The following RPAP2 variants were observed in gnomAD, a reference collection of about 807,000 sequenced individuals.
The protein encoded by RPAP2 is putative RNA polymerase II subunit B1 CTD phosphatase RPAP2.
In RPAP2, 52 loss-of-function variants were observed where a neutral mutation model predicts 73.1. The observed-to-expected ratio is 0.71, with a 90% CI of 0.57 to 0.90. The LOEUF (loss-of-function observed/expected upper bound fraction) is 0.90. RPAP2 is among the 40% of genes least tolerant of loss of function. RPAP2 has a pLI of 0.00. For missense variants in RPAP2, 598 were observed against 701.8 expected (o/e 0.85, Z 1.67); for synonymous variants, 225 against 242.1 (o/e 0.93, Z 0.65).
intron 1 of RPAP2, 31 bp from the exon 2 acceptor site, chr1:92,300,160 CATT>C: frequency 3.3e-6 from 5 of 1,502,264 alleles, no homozygotes; most frequent in South Asian, 1.1e-5. Context: ...ACGGAAATGT[CATT>C]ATGTAGCACA....
intron 6 of RPAP2, among the ~76,000 whole-genome samples, chr1:92,315,724 T>C (rs1174933087): frequency 1.3e-5 from 2 of 152,220 alleles, no homozygotes; most frequent in Non-Finnish European, 2.9e-5. Context: ...TCCATACTTT[T>C]ATAAGGTTTT....
intron 11 of RPAP2, among the ~76,000 whole-genome samples, chr1:92,357,033 T>A (rs190218664): frequency 4.7e-5 from 7 of 149,242 alleles, no homozygotes; most frequent in African/African-American, 1.5e-4. Context: ...GTCACTGCAC[T>A]CCAGCCTGGG....
At chr1:92,315,456 G>A (rs1651851696) in intron 6 of RPAP2, among the ~76,000 whole-genome samples, 1 of 152,158 alleles carries the variant, frequency 6.6e-6, no homozygotes. Context: ...GAAAAATGGT[G>A]CTGACAGACT....
rs544365564 is a variant in RPAP2 at position 92,324,095 on chromosome 1, C to G, written c.1175C>G (p.Ala392Gly). The G allele has an allele frequency of 6.2e-6, 10 of 1,614,104 alleles. No individual in the cohort carries two copies. In the Admixed American group the frequency reaches 1.7e-4, roughly 27 times the overall value. The change falls in exon 8 of 13, where the codon GCT becomes GGT. Residue 392 changes from alanine (A) to glycine (G), a missense_variant. Physicochemically the swap from Ala to Gly is moderately conservative, Grantham distance 60 (BLOSUM62 0). This residue lies in a region of RPAP2 where 506 missense variants were observed against 612.8 expected (regional missense o/e 0.83). Coordinates refer to ENST00000610020, the MANE Select transcript of RPAP2 (RefSeq NM_024813.3). ...AGGTTTTTGTATGGCCAGAATTATG[C>G]TTCTGTGTGTCTGAAACCCGAAGCC... is the stretch of plus-strand genomic sequence containing the variant. ...TLRFLYGQNYASVCLKPEASL... is the reference protein window; with the variant it reads ...TLRFLYGQNYGSVCLKPEASL...
chr1:92,374,258 A>T (rs1169038132), intron 11 of RPAP2, among the ~76,000 whole-genome samples: 1 of 152,202 alleles, frequency 6.6e-6, no homozygotes, highest in African/African-American at 2.4e-5. Flanking sequence ...GATCAGAAAC[A>T]TCCAATACTG....
intron 8 of RPAP2, 40 bp downstream of exon 8, chr1:92,324,415 A>G (rs749964669): frequency 8.1e-6 from 12 of 1,476,028 alleles, no homozygotes; most frequent in Non-Finnish European, 1.1e-5. Flanking sequence ...GATCGTTAAC[A>G]TTTGGAAAAC....
intron 11 of RPAP2, among the ~76,000 whole-genome samples, chr1:92,376,650 A>G (rs1409422466): frequency 6.6e-6 from 1 of 152,188 alleles, no homozygotes; most frequent in Non-Finnish European, 1.5e-5. Flanking sequence ...ACTACTTGCC[A>G]TTTTTACATC....
At chr1:92,302,330 G>GAA (rs777891331) in intron 3 of RPAP2, among the ~76,000 whole-genome samples, 7 of 132,162 alleles carry the variant, frequency 5.3e-5, no homozygotes, top group Non-Finnish European at 1.2e-4. Flanking sequence ...GGATGGGGGA[G>GAA]AAAAAAAAAA....
At chr1:92,300,429 A>G (rs1354918328) in intron 2 of RPAP2, among the ~76,000 whole-genome samples, 190 bp downstream of exon 2, 1 of 152,174 alleles carries the variant, frequency 6.6e-6, no homozygotes, top group African/African-American at 2.4e-5. Flanking sequence ...GCTTTAAGAA[A>G]ACCAAACTAA....
Position 92,398,509 on chromosome 1 carries a change from C to T in RPAP2, c.*11498C>T, listed in dbSNP as rs1487148683. On this transcript the variant is annotated 3_prime_UTR_variant, in exon 13 of 13. Transcript: ENST00000610020. ...AAGGTAAGTGGTACTATTCTGAAAT[C>T]TGAAAATCTTTAGTAGCCTCACATT... 2.0e-5 allele frequency: 3 copies of T among 152,174 alleles called. No homozygotes were observed. The highest frequency in any genetic ancestry group is 4.4e-5 in the Non-Finnish European group (3 of 68,028). 9.4% of individuals were successfully genotyped at this position (152,174 alleles called of 1,614,324 possible). A position where few individuals can be genotyped will look rare whatever the true frequency, so the allele number is the denominator to read the frequency against.
At chr1:92,317,121 T>A (rs1364302852) in intron 6 of RPAP2, among the ~76,000 whole-genome samples, 2 of 152,202 alleles carry the variant, frequency 1.3e-5, no homozygotes, top group Non-Finnish European at 2.9e-5. Flanking sequence ...AGAAAGGGCT[T>A]GGCCTAATTC....
chr1:92,325,083 T>C (rs879123137), intron 8 of RPAP2, among the ~76,000 whole-genome samples: 2 of 152,182 alleles, frequency 1.3e-5, no homozygotes, highest in Admixed American at 1.3e-4. Context: ...CAGTAAATAG[T>C]ACCCATATGT....
At chr1:92,335,881 C>A (rs367867889) in intron 9 of RPAP2, among the ~76,000 whole-genome samples, 1 of 152,010 alleles carries the variant, frequency 6.6e-6, no homozygotes, top group East Asian at 1.9e-4. Flanking sequence ...AAATTTTTTT[C>A]ATAGTAAAAC....
chr1:92,346,809 G>A (rs915135504), intron 11 of RPAP2, among the ~76,000 whole-genome samples: 1 of 152,138 alleles, frequency 6.6e-6, no homozygotes, highest in African/African-American at 2.4e-5. Flanking sequence ...TTCAATAAGT[G>A]TAGTGTTTTT....
chr1:92,317,333 C>G (rs1279273765), intron 6 of RPAP2, among the ~76,000 whole-genome samples: 1 of 151,972 alleles, frequency 6.6e-6, no homozygotes, highest in Non-Finnish European at 1.5e-5. Context: ...ATGGTGAAAC[C>G]CCATCTCTAC....
chr1:92,354,890 A>ATT lies in RPAP2; in HGVS notation c.1688+8976_1688+8977insTT, dbSNP rs1557620882. ...AATAAATGCAATTTTAATTTATGTA[A>ATT]ATTATTATTATTATTATTATTATTA... On this transcript the variant is annotated intron_variant, in intron 11 of 12. Transcript: ENST00000610020. 2.7e-3 allele frequency among the ~76,000 whole-genome samples: 396 copies of ATT among 147,682 alleles called. 3 individuals carry two copies. Among genetic ancestry groups the ATT allele is most frequent in the African/African-American group, 8.8e-3 (353 of 40,294 alleles).
In RPAP2 at chr1:92,373,733, TAAAAATAA is replaced by T. The variant is rs1455042208; in HGVS notation, c.1689-6985_1689-6978del. 3.4e-4 allele frequency among the ~76,000 whole-genome samples: 14 copies of T among 40,904 alleles called. 1 individual carries two copies. Among genetic ancestry groups the T allele is most frequent in the African/African-American group, 1.2e-3 (12 of 10,382 alleles). The allele number at this position is 40,904 out of a possible 152,430, so 26.8% of individuals were successfully genotyped here. A position where few individuals can be genotyped will look rare whatever the true frequency, so the allele number is the denominator to read the frequency against. Reference sequence around the variant, plus strand: ...CAACATGGTGAAACCCCGTCTCTACTAAAAATAAAAAAAAAAAAAAAAAAAAAAAAAAA... The same window carrying T: ...CAACATGGTGAAACCCCGTCTCTACTAAAAAAAAAAAAAAAAAAAAAAAAA... On this transcript the variant is annotated intron_variant, in intron 11 of 12. Coordinates refer to ENST00000610020, the MANE Select transcript of RPAP2 (RefSeq NM_024813.3).
Position 92,348,923 on chromosome 1 carries a change from C to T in RPAP2, c.1688+3009C>T, listed in dbSNP as rs573875042. Among the ~76,000 whole-genome samples the T allele has an allele frequency of 7.0e-4, 107 of 152,174 alleles. 1 individual carries two copies. Among genetic ancestry groups the T allele is most frequent in the Middle Eastern group, 6.8e-3 (2 of 294 alleles). ...ATGAAGGCCAGCATTGGATAAATAG[C>T]CTTACAGTGAAAATATGGAGACTTT... On this transcript the variant is annotated intron_variant, in intron 11 of 12. Transcript: ENST00000610020.
chr1:92,377,287 G>A (rs756591166), intron 11 of RPAP2, among the ~76,000 whole-genome samples: 12 of 152,058 alleles, frequency 7.9e-5, no homozygotes, highest in South Asian at 2.1e-4. Flanking sequence ...TTGGGAGGCC[G>A]AGGCGGGTGG....
Sources: allele counts gnomAD v4.1 joint callset (sites outside exome capture counted in the v4.1 genomes callset), GRCh38; gene constraint gnomAD v4.1.1; regional missense constraint gnomAD v4.1.1; transcripts MANE v1.5; gene names NCBI Gene and HGNC (gene_info 2026-07-23, HGNC 2026-07-21).